SETBP1: variants seen among roughly 807,000 people sequenced by gnomAD.
SETBP1 encodes SET-binding protein.
SETBP1 carries 9 observed loss-of-function variants against 101.0 expected under a neutral mutation model. The ratio of observed to expected loss-of-function variants is 0.09; its 90% confidence interval spans 0.05 to 0.16. The LOEUF (loss-of-function observed/expected upper bound fraction) is 0.16, where lower values mean the gene tolerates loss of function less well. Ranked by LOEUF, SETBP1 falls within the 10% of genes least tolerant of loss-of-function variation. The pLI, the probability that SETBP1 is intolerant of heterozygous loss-of-function variation, is 1.00. For missense variants in SETBP1, 1,858 were observed against 2,033.8 expected (o/e 0.91, Z 1.66); for synonymous variants, 818 against 788.5 (o/e 1.04, Z -0.63).
chr18:45,044,829 C>T (rs1057504122), intron 5 of SETBP1, among the ~76,000 whole-genome samples: 4 of 152,286 alleles, frequency 2.6e-5, no homozygotes, highest in Middle Eastern at 3.4e-3. Flanking sequence ...AATTAGACAA[C>T]GGGGCATTAT....
chr18:44,728,475 C>T (rs544864262), intron 2 of SETBP1, among the ~76,000 whole-genome samples: 2 of 152,274 alleles, frequency 1.3e-5, no homozygotes, highest in African/African-American at 2.4e-5. Flanking sequence ...TCCATAGGGA[C>T]CATTTGTTCA....
intron 4 of SETBP1, among the ~76,000 whole-genome samples, chr18:45,013,843 A>G (rs1174374582): frequency 1.3e-5 from 2 of 152,208 alleles, no homozygotes; most frequent in African/African-American, 4.8e-5. Flanking sequence ...TGTGGTTGAC[A>G]GACAAAACTC....
chr18:45,035,262 TG>T (rs1475555497), intron 4 of SETBP1, among the ~76,000 whole-genome samples: 4 of 152,212 alleles, frequency 2.6e-5, no homozygotes. Flanking sequence ...AATCCAAAAA[TG>T]GCTGAGAAAA....
intron 2 of SETBP1, among the ~76,000 whole-genome samples, chr18:44,774,931 TTA>T: frequency 6.6e-6 from 1 of 151,832 alleles, no homozygotes; most frequent in East Asian, 1.9e-4. Flanking sequence ...TTCTTTTTCC[TTA>T]GTCAGAGCAC....
At chr18:44,697,885 C>A (rs1361409999) in intron 1 of SETBP1, among the ~76,000 whole-genome samples, 1 of 152,166 alleles carries the variant, frequency 6.6e-6, no homozygotes, top group Admixed American at 6.5e-5. Flanking sequence ...TTCATTCCTT[C>A]GTGCAACAAA....
At chr18:45,031,348 A>G (rs2073294079) in intron 4 of SETBP1, among the ~76,000 whole-genome samples, 1 of 152,120 alleles carries the variant, frequency 6.6e-6, no homozygotes, top group Admixed American at 6.6e-5. Flanking sequence ...TACGATGTGG[A>G]CAGCTTTGGA....
At chr18:44,926,510 C>T (rs1190063760) in intron 3 of SETBP1, among the ~76,000 whole-genome samples, 1 of 152,136 alleles carries the variant, frequency 6.6e-6, no homozygotes, top group African/African-American at 2.4e-5. Flanking sequence ...AGGGGCCCTC[C>T]CAGCTTCCTC....
chr18:44,695,082 A>G (rs1361471253), intron 1 of SETBP1, among the ~76,000 whole-genome samples: 2 of 152,224 alleles, frequency 1.3e-5, no homozygotes, highest in Non-Finnish European at 2.9e-5. Flanking sequence ...CATGGAAAAT[A>G]GAATCAAATT....
rs148464595 is a variant in SETBP1, at chr18:44,779,683, G to C, written c.486+77851G>C. Among the ~76,000 whole-genome samples the C allele has an allele frequency of 3.9e-3, 587 of 152,216 alleles. 7 individuals are homozygous for C. Among genetic ancestry groups the C allele is most frequent in the African/African-American group, 0.013 (559 of 41,514 alleles). On this transcript the variant is annotated intron_variant, in intron 2 of 5. Transcript: ENST00000649279. ...TAACTGTCGAAGACTTTGTGCAAAG[G>C]GAGGCCTTGAGAAAACTCTGACACG... is the stretch of plus-strand genomic sequence containing the variant.
chr18:44,752,710 AAAG>A (rs1251559286), intron 2 of SETBP1, among the ~76,000 whole-genome samples: 1 of 152,208 alleles, frequency 6.6e-6, no homozygotes, highest in African/African-American at 2.4e-5. Context: ...TCACATTTAC[AAAG>A]AAGGTTTGTA....
intron 4 of SETBP1, among the ~76,000 whole-genome samples, chr18:44,972,452 G>T (rs989483687): frequency 1.3e-5 from 2 of 152,082 alleles, no homozygotes; most frequent in African/African-American, 4.8e-5. Context: ...ATTGAATCTA[G>T]AAATTACCTC....
intron 3 of SETBP1, among the ~76,000 whole-genome samples, chr18:44,901,380 G>T (rs1234970154): frequency 6.6e-6 from 1 of 152,194 alleles, no homozygotes; most frequent in Non-Finnish European, 1.5e-5. Context: ...TGAGCTTCTA[G>T]CTTTTGAAGC....
chr18:44,751,396 G>A (rs2070377554), intron 2 of SETBP1, among the ~76,000 whole-genome samples: 1 of 152,148 alleles, frequency 6.6e-6, no homozygotes, highest in Non-Finnish European at 1.5e-5. Context: ...GATGAGAGAG[G>A]TTATCAGATC....
At chr18:44,944,644 C>G (rs2071161301) in intron 3 of SETBP1, among the ~76,000 whole-genome samples, 1 of 152,180 alleles carries the variant, frequency 6.6e-6, no homozygotes, top group African/African-American at 2.4e-5. Flanking sequence ...GCTCCATACC[C>G]AGGCATATTT....
intron 2 of SETBP1, among the ~76,000 whole-genome samples, chr18:44,748,446 C>A (rs2070309575): frequency 6.6e-6 from 1 of 152,212 alleles, no homozygotes; most frequent in Non-Finnish European, 1.5e-5. Context: ...TGGGGAAGAG[C>A]AGAACATGAT....
At chr18:44,976,542 G>A (rs543228162) in intron 4 of SETBP1, among the ~76,000 whole-genome samples, 4 of 152,326 alleles carry the variant, frequency 2.6e-5, no homozygotes, top group South Asian at 2.1e-4. Flanking sequence ...GAGCCATCCC[G>A]TGTTTGGGGC....
At chr18:44,977,043 T>C (rs764615894) in intron 4 of SETBP1, among the ~76,000 whole-genome samples, 1 of 152,180 alleles carries the variant, frequency 6.6e-6, no homozygotes, top group Admixed American at 6.5e-5. Context: ...TAACCTGTAA[T>C]AAATCATCAA....
chr18:45,038,712 C>A, intron 5 of SETBP1, 57 bp downstream of exon 5: 2 of 1,585,134 alleles, frequency 1.3e-6, no homozygotes, highest in Admixed American at 1.7e-5. Flanking sequence ...GTGGAGAAAG[C>A]CCACTGAGAA....
At chr18:44,974,337 C>T (rs940278367) in intron 4 of SETBP1, among the ~76,000 whole-genome samples, 1 of 152,066 alleles carries the variant, frequency 6.6e-6, no homozygotes, top group Non-Finnish European at 1.5e-5. Context: ...TACAATAATC[C>T]AGGCGAGAGA....
Sources: gnomAD v4.1 joint callset for allele counts (sites outside exome capture counted in the v4.1 genomes callset) on GRCh38, gnomAD v4.1.1 for gene constraint, MANE v1.5 for transcripts, NCBI Gene and HGNC (gene_info 2026-07-23, HGNC 2026-07-21) for gene names.